Variants in RNF24 observed in about 807,000 individuals in gnomAD.
RNF24 encodes the protein ring finger protein 24.
RNF24 carries 14 observed loss-of-function variants against 20.0 expected under a neutral mutation model. The observed-to-expected ratio is 0.70, with a 90% CI of 0.46 to 1.10. The LOEUF is 1.10. RNF24 is among the 50% of genes least tolerant of loss of function. The pLI, the probability that RNF24 is intolerant of heterozygous loss-of-function variation, is 0.00. For missense variants in RNF24, 124 were observed against 177.6 expected (o/e 0.70, Z 1.71); for synonymous variants, 45 against 61.1 (o/e 0.74, Z 1.23).
chr20:3,981,856 C>T (rs1354247251), intron 1 of RNF24, among the ~76,000 whole-genome samples: 4 of 152,124 alleles, frequency 2.6e-5, no homozygotes, highest in Non-Finnish European at 2.9e-5. Flanking sequence ...CACTAACTCA[C>T]GCCTGTAATC....
At chr20:3,938,106 C>A (rs921253985) in intron 4 of RNF24, among the ~76,000 whole-genome samples, 1 of 152,212 alleles carries the variant, frequency 6.6e-6, no homozygotes, top group Non-Finnish European at 1.5e-5. Context: ...TTCTCCATAT[C>A]ATCACCAATA....
At chr20:3,972,425 C>G (rs1978427112) in intron 1 of RNF24, among the ~76,000 whole-genome samples, 1 of 152,166 alleles carries the variant, frequency 6.6e-6, no homozygotes, top group African/African-American at 2.4e-5. Context: ...AACAACCTTT[C>G]AAAAATCGAA....
intron 3 of RNF24, among the ~76,000 whole-genome samples, chr20:3,945,486 G>A (rs1303742169): frequency 6.6e-6 from 1 of 152,008 alleles, no homozygotes; most frequent in African/African-American, 2.4e-5. Flanking sequence ...ATGCCAAGGC[G>A]GGTGGGTCGC....
chr20:4,001,291 C>A (rs1981367166), intron 1 of RNF24, among the ~76,000 whole-genome samples: 1 of 151,920 alleles, frequency 6.6e-6, no homozygotes, highest in South Asian at 2.1e-4. Context: ...AAACAAAAAA[C>A]CTCATGAAGA....
chr20:3,969,177 T>A (rs1462171593), intron 1 of RNF24, among the ~76,000 whole-genome samples: 1 of 152,166 alleles, frequency 6.6e-6, no homozygotes, highest in Non-Finnish European at 1.5e-5. Flanking sequence ...CCTGGGCACA[T>A]ACTGTGTACT....
At chr20:3,945,060 C>A in intron 4 of RNF24, 117 bp downstream of exon 4, 1 of 1,309,540 alleles carries the variant, frequency 7.6e-7, no homozygotes, top group African/African-American at 1.5e-5. Flanking sequence ...ATTCTATTAC[C>A]CCAATCAAAA....
In RNF24 at chr20:3,927,532, T is replaced by A. The variant is rs2090741165; in HGVS notation, c.*6531A>T. ...AGGTTCAGCATTTCATAAACCTTTT[T>A]TTGAGGGAGTTACACAATACCTAGT... On this transcript the variant is annotated 3_prime_UTR_variant, in exon 6 of 6. Coordinates refer to ENST00000358395, the MANE Select transcript of RNF24 (RefSeq NM_001134337.3). 6.6e-6 allele frequency: 1 copy of A among 152,182 alleles called. No homozygotes were observed. The highest frequency in any genetic ancestry group is 2.4e-5 in the African/African-American group (1 of 41,450). The allele number at this position is 152,182 out of a possible 1,614,324, so 9.4% of individuals were successfully genotyped here.
chr20:3,978,549 A>T lies in RNF24; in HGVS notation c.-7-14525T>A, dbSNP rs1979100971. On this transcript the variant is annotated intron_variant, in intron 1 of 5. Coordinates refer to ENST00000358395, the MANE Select transcript of RNF24 (RefSeq NM_001134337.3). ...TTTAATCAAAAAAGACTCTAAAATT[A>T]TATAAGAACAATATTCAGCTTTATT... Among the ~76,000 whole-genome samples, 3 of 152,180 alleles carry T rather than the reference A, an allele frequency of 2.0e-5. No homozygotes were observed. In the South Asian group the frequency reaches 6.2e-4, roughly 31 times the overall value.
In RNF24 at chr20:3,932,543, T is replaced by C. The variant is rs2090837010; in HGVS notation, c.*1520A>G. ...TGAACCAAGGACAGGTTCCTTCTCC[T>C]AAGAGGACAGAGGTTGGATTCCAGA... On this transcript the variant is annotated 3_prime_UTR_variant, in exon 6 of 6. Coordinates refer to ENST00000358395, the MANE Select transcript of RNF24 (RefSeq NM_001134337.3). 5.7e-6 allele frequency: 1 copy of C among 176,966 alleles called. No individual in the cohort carries two copies. The highest frequency in any genetic ancestry group is 6.2e-5 in the Admixed American group (1 of 16,048). The allele number at this position is 176,966 out of a possible 1,614,324, so 11.0% of individuals were successfully genotyped here. A position where few individuals can be genotyped will look rare whatever the true frequency, so the allele number is the denominator to read the frequency against.
At chr20:3,945,277 T>C (rs17214621) in intron 3 of RNF24, 59 bp from the exon 4 acceptor site, 222,114 of 1,460,128 alleles carry the variant, frequency 0.15, 18,825 homozygotes, top group Non-Finnish European at 0.17. Flanking sequence ...TAAATATTTC[T>C]CATTATATTC....
chr20:3,956,908 C>T (rs1247355912), intron 2 of RNF24, among the ~76,000 whole-genome samples: 2 of 152,144 alleles, frequency 1.3e-5, no homozygotes, highest in African/African-American at 2.4e-5. Flanking sequence ...TGCCTGTAAT[C>T]CCAGCACTTT....
intron 1 of RNF24, among the ~76,000 whole-genome samples, chr20:3,992,296 C>T (rs1465072505): frequency 6.6e-6 from 1 of 152,140 alleles, no homozygotes; most frequent in Non-Finnish European, 1.5e-5. Context: ...CTATGTGAGG[C>T]TACTTTAGTA....
At chr20:3,935,381 C>A (rs1421819876) in intron 4 of RNF24, among the ~76,000 whole-genome samples, 1 of 152,184 alleles carries the variant, frequency 6.6e-6, no homozygotes, top group Admixed American at 6.5e-5. Flanking sequence ...CTCACATCTG[C>A]CAGCTTAGCC....
rs968090940 is a variant in RNF24 at position 3,933,136 on chromosome 20, G to A, written c.*927C>T. On this transcript the variant is annotated 3_prime_UTR_variant, in exon 6 of 6. Transcript: ENST00000358395. The stretch of plus-strand genomic sequence containing the variant: ...CAAGAGAGAGAAGAGATGGAAGGAG[G>A]GGGAGAGGCCAAAGGGTCGGCATTC... 5.0e-6 allele frequency: 2 copies of A among 397,298 alleles called. No homozygotes were observed. The highest frequency in any genetic ancestry group is 8.9e-6 in the Non-Finnish European group (2 of 225,886). The allele number at this position is 397,298 out of a possible 1,614,324, so 24.6% of individuals were successfully genotyped here. A position where few individuals can be genotyped will look rare whatever the true frequency, so the allele number is the denominator to read the frequency against.
rs1482968076 is a variant in RNF24 at position 3,930,100 on chromosome 20, ATAG to A, written c.*3960_*3962del. The A allele has an allele frequency of 2.6e-5, 4 of 152,272 alleles. No homozygotes were observed. The highest frequency in any genetic ancestry group is 2.1e-4 in the South Asian group (1 of 4,836). 9.4% of individuals were successfully genotyped at this position (152,272 alleles called of 1,614,324 possible). On this transcript the variant is annotated 3_prime_UTR_variant, in exon 6 of 6. Coordinates refer to ENST00000358395, the MANE Select transcript of RNF24 (RefSeq NM_001134337.3). ...GGAAGGATACCCAAGGAACAAACCA[ATAG>A]TAGGTATTCATGGAGTGAGGAGCGG... is the stretch of plus-strand genomic sequence containing the variant.
chr20:3,983,784 T>C (rs2147032353), intron 1 of RNF24, among the ~76,000 whole-genome samples: 1 of 151,480 alleles, frequency 6.6e-6, no homozygotes, highest in East Asian at 1.9e-4. Flanking sequence ...CTATTAAAAA[T>C]ACAAAAATTA....
Position 3,934,102 on chromosome 20 carries a change from G to T in RNF24, c.408C>A (p.Pro136=), listed in dbSNP as rs1386003692. The T allele has an allele frequency of 1.3e-6, 2 of 1,537,668 alleles. No homozygotes were observed. Among genetic ancestry groups the T allele is most frequent in the South Asian group, 1.2e-5 (1 of 80,484 alleles). Reference sequence around the variant, plus strand: ...CTGCCCCAGGAAGGGGCCCCTGAGGGGGTCCACGGTCCTGCTTACTGTGCA... The same window carrying T: ...CTGCCCCAGGAAGGGGCCCCTGAGGTGGTCCACGGTCCTGCTTACTGTGCA... The part of the protein sequence containing the change: ...AQLHSKQDRG[P]PQGPLPGAEN... Residue 136 remains proline (P), a synonymous_variant, in exon 6 of 6, where the codon CCC becomes CCA. Coordinates refer to ENST00000358395, the MANE Select transcript of RNF24 (RefSeq NM_001134337.3). This position sits in a 1 kb window ranked among gnomAD's most constrained non-coding sequence, Gnocchi z 4.0.
At chr20:3,998,773 T>TTA (rs1555802087) in intron 1 of RNF24, among the ~76,000 whole-genome samples, 56 of 133,718 alleles carry the variant, frequency 4.2e-4, no homozygotes, top group East Asian at 1.7e-3. Flanking sequence ...AAAATTAAAT[T>TTA]AAAAAAAATA....
At position 3,933,144 on chromosome 20, in the gene RNF24, G is replaced by C; in HGVS notation, c.*919C>G. ...AGAAGAGATGGAAGGAGGGGGAGAGGCCAAAGGGTCGGCATTCCCTTCATC... is the reference window on the plus strand; with the variant it reads ...AGAAGAGATGGAAGGAGGGGGAGAGCCCAAAGGGTCGGCATTCCCTTCATC... On this transcript the variant is annotated 3_prime_UTR_variant, in exon 6 of 6. Transcript: ENST00000358395. 1 of 376,306 alleles carries C rather than the reference G, an allele frequency of 2.7e-6. No individual in the cohort carries two copies. Among genetic ancestry groups the C allele is most frequent in the Non-Finnish European group, 4.6e-6 (1 of 216,128 alleles). 23.3% of individuals were successfully genotyped at this position (376,306 alleles called of 1,614,324 possible).
Sources: gnomAD v4.1 joint callset for allele counts (sites outside exome capture counted in the v4.1 genomes callset) on GRCh38, gnomAD v4.1.1 for gene constraint, Gnocchi (gnomAD v3.1) non-coding constraint, MANE v1.5 for transcripts, NCBI Gene and HGNC (gene_info 2026-07-23, HGNC 2026-07-21) for gene names.